The following FBXL18 variants were observed in gnomAD, a reference collection of about 807,000 sequenced individuals.
FBXL18 encodes F-box/LRR-repeat protein 18.
FBXL18 carries 36 observed loss-of-function variants against 46.0 expected under a neutral mutation model. The observed-to-expected ratio is 0.78, with a 90% CI of 0.60 to 1.03. FBXL18 has a LOEUF of 1.03. Ranked by LOEUF, FBXL18 falls within the 50% of genes least tolerant of loss-of-function variation. FBXL18 has a pLI of 0.00. For missense variants in FBXL18, 977 were observed against 1,004.1 expected, an observed-to-expected ratio of 0.97 and a Z score of 0.36; for synonymous variants, 557 against 465.3, an observed-to-expected ratio of 1.20 and a Z score of -2.54.
intron 3 of FBXL18, among the ~76,000 whole-genome samples, 171 bp from the exon 4 acceptor site, chr7:5,491,620 G>T (rs753234464): frequency 6.6e-6 from 1 of 152,198 alleles, no homozygotes; most frequent in Admixed American, 6.5e-5. Flanking sequence ...TGCCGACTCA[G>T]GCCCCCAGGG....
At chr7:5,475,003 T>C (rs1049063079), downstream of FBXL18, among the ~76,000 whole-genome samples, 16 of 141,580 alleles carry the variant, frequency 1.1e-4, no homozygotes, top group South Asian at 5.2e-4. The surrounding 1 kb of genome is among the most constrained non-coding windows in gnomAD (Gnocchi z 4.2). Context: ...CCACCGCGCC[T>C]GGCCAAATTA....
Position 5,501,222 on chromosome 7 carries a change from G to T in FBXL18, c.1047C>A (p.Asn349Lys). The T allele has an allele frequency of 1.9e-6, 3 of 1,613,494 alleles. No homozygotes were observed. Among genetic ancestry groups the T allele is most frequent in the Non-Finnish European group, 2.5e-6 (3 of 1,179,868 alleles). The stretch of plus-strand genomic sequence containing the variant: ...ACAGGCAGTGGACGCAGCCGCTGAG[G>T]TTCAAGCTGGCCAGGCTCCGCAGGT... The part of the protein sequence containing the change: ...GKDLRSLASL[N>K]LSGCVHCLSP... Residue 349 changes from asparagine to lysine, a missense_variant, in exon 3 of 5, where the codon AAC (asparagine) becomes AAA (lysine). Transcript: ENST00000382368.
intron 1 of FBXL18, among the ~76,000 whole-genome samples, chr7:5,507,795 C>T (rs1420799727): frequency 6.6e-6 from 1 of 152,048 alleles, no homozygotes; most frequent in African/African-American, 2.4e-5. Flanking sequence ...GATCACACCA[C>T]TGCACTCCAG....
At chr7:5,490,232 C>A in intron 4 of FBXL18, 1 of 1,321,310 alleles carries the variant, frequency 7.6e-7, no homozygotes, top group Non-Finnish European at 1.0e-6. Context: ...CACGAACACT[C>A]AGGGCGTTCA....
chr7:5,505,285 G>T, intron 2 of FBXL18, 127 bp downstream of exon 2: 1 of 837,336 alleles, frequency 1.2e-6, no homozygotes, highest in Non-Finnish European at 1.9e-6. Context: ...TGCAGACGGC[G>T]CCAGTCAGGA....
At chr7:5,474,192 G>C (rs1783471710), downstream of FBXL18, among the ~76,000 whole-genome samples, 1 of 152,134 alleles carries the variant, frequency 6.6e-6, no homozygotes. Context: ...GGGCTGGGGA[G>C]TGAATGTTTA....
chr7:5,491,257 C>G lies in FBXL18; in HGVS notation c.1974G>C (p.Lys658Asn). Reference protein sequence around the residue: ...LFTGESLATCKSLQQSLLRSF... With the variant: ...LFTGESLATCNSLQQSLLRSF... ...TGCGGAGAAGCGACTGCTGCAGGCTCTTGCAGGTGGCGAGGGACTCCCCGG... is the reference window on the plus strand; with the variant it reads ...TGCGGAGAAGCGACTGCTGCAGGCTGTTGCAGGTGGCGAGGGACTCCCCGG... Residue 658 changes from lysine to asparagine, a missense_variant, in exon 4 of 5, where the codon AAG (lysine) becomes AAC (asparagine). Transcript: ENST00000382368. 6.2e-7 allele frequency: 1 copy of G among 1,613,002 alleles called. No homozygotes were observed. Among genetic ancestry groups the G allele is most frequent in the East Asian group, 2.2e-5 (1 of 44,856 alleles).
At chr7:5,486,277 G>C (rs1017379941) in intron 4 of FBXL18, among the ~76,000 whole-genome samples, 8 of 123,706 alleles carry the variant, frequency 6.5e-5, no homozygotes, top group Admixed American at 1.6e-4. Flanking sequence ...AAATGAGCTG[G>C]TTGTGGTGGC....
At chr7:5,507,112 T>C (rs897510678) in intron 1 of FBXL18, among the ~76,000 whole-genome samples, 1 of 152,096 alleles carries the variant, frequency 6.6e-6, no homozygotes, top group Non-Finnish European at 1.5e-5. Flanking sequence ...CACTACATCA[T>C]CTTTCTGGGG....
chr7:5,483,187 C>A (rs1437036504), intron 4 of FBXL18, among the ~76,000 whole-genome samples: 1 of 152,104 alleles, frequency 6.6e-6, no homozygotes, highest in Non-Finnish European at 1.5e-5. Context: ...ACACCTATAA[C>A]CCCAGCACTT....
intron 1 of FBXL18, among the ~76,000 whole-genome samples, chr7:5,506,921 G>C (rs1407157703): frequency 1.3e-5 from 2 of 152,194 alleles, no homozygotes; most frequent in Non-Finnish European, 2.9e-5. Flanking sequence ...GTGGGCCTGA[G>C]TCAAAATGCC....
At position 5,491,390 on chromosome 7, in the gene FBXL18, G is replaced by C. The variant is rs1783922182; in HGVS notation, c.1841C>G (p.Pro614Arg). ...AQFFQALSQCPSLQRLCLVSR... is the reference protein window; with the variant it reads ...AQFFQALSQCRSLQRLCLVSR... ...GACCAGGCACAGGCGCTGCAGCGAG[G>C]GGCACTGGCTCAGCGCCTGGAAGAA... The change falls in exon 4 of 5, where the codon CCC becomes CGC. Residue 614 changes from proline to arginine, a missense_variant. By Grantham distance (103) the Pro-to-Arg change is moderately radical. Coordinates refer to ENST00000382368, the MANE Select transcript of FBXL18 (RefSeq NM_024963.6). The C allele has an allele frequency of 1.9e-6, 3 of 1,607,362 alleles. No individual in the cohort carries two copies. In the African/African-American group the frequency reaches 4.0e-5, roughly 21 times the overall value.
At position 5,455,147 on chromosome 7, in the gene FBXL18, G is replaced by A. The variant is rs992936631; in HGVS notation, c.2001-7304C>T. 2.0e-5 allele frequency among the ~76,000 whole-genome samples: 3 copies of A among 152,088 alleles called. No individual in the cohort carries two copies. Among genetic ancestry groups the A allele is most frequent in the African/African-American group, 4.8e-5 (2 of 41,426 alleles). ...TCCTCTTGCTCAGGGAGCAACCCTG[G>A]CACTACTGGGGAGGACTCTTGGGGA... is the stretch of plus-strand genomic sequence containing the variant. On this transcript the variant is annotated intron_variant and NMD_transcript_variant, in intron 4 of 6. Coordinates refer to the FBXL18 transcript ENST00000415009. This position sits in a 1 kb window ranked among gnomAD's most constrained non-coding sequence, Gnocchi z 4.6.
At chr7:5,493,421 G>A (rs1000458279) in intron 3 of FBXL18, among the ~76,000 whole-genome samples, 19 of 150,572 alleles carry the variant, frequency 1.3e-4, no homozygotes, top group African/African-American at 4.4e-4. Flanking sequence ...TCAGCCTCCC[G>A]AGTAGCTGGG....
intron 4 of FBXL18, among the ~76,000 whole-genome samples, chr7:5,466,917 G>T (rs926556688): frequency 3.3e-5 from 5 of 152,270 alleles, no homozygotes; most frequent in Non-Finnish European, 5.9e-5. Context: ...ATGCGCAACA[G>T]AATTTACATC....
At chr7:5,460,510 A>G (rs1362961579) in intron 4 of FBXL18, among the ~76,000 whole-genome samples, 1 of 152,090 alleles carries the variant, frequency 6.6e-6, no homozygotes, top group East Asian at 1.9e-4. Context: ...CTGGAGTGCA[A>G]TGGTGCGATC....
chr7:5,491,569 C>A, intron 3 of FBXL18, 120 bp from the exon 4 acceptor site: 2 of 792,386 alleles, frequency 2.5e-6, no homozygotes, highest in Non-Finnish European at 3.9e-6. Flanking sequence ...CAGCTGTTCC[C>A]GCCACCTCCC....
chr7:5,472,321 A>AG (rs201393872), downstream of FBXL18, among the ~76,000 whole-genome samples: 2,123 of 152,240 alleles, frequency 0.014, 62 homozygotes, highest in African/African-American at 0.048. Flanking sequence ...CATCCTGGCA[A>AG]GTGGGGGGTC....
At position 5,501,795 on chromosome 7, in the gene FBXL18, G is replaced by A. The variant is rs375195810; in HGVS notation, c.474C>T (p.Asp158=). 3 of 1,566,704 alleles carry A rather than the reference G, an allele frequency of 1.9e-6. No homozygotes were observed. In the African/African-American group the frequency reaches 4.0e-5, roughly 21 times the overall value. Residue 158 remains aspartate (D), a synonymous_variant, in exon 3 of 5, where the codon GAC becomes GAT. Transcript: ENST00000382368. ...TGCACTCGCTGCTCAGCTGGCTGGC[G>A]TCGAAGCCGGGGCTCACGTCGATGG... ...SLAIDVSPGF[D]ASQLSSECKA...
Sources: allele counts gnomAD v4.1 joint callset (sites outside exome capture counted in the v4.1 genomes callset), GRCh38; gene constraint gnomAD v4.1.1; non-coding constraint Gnocchi (gnomAD v3.1); transcripts MANE v1.5; gene names NCBI Gene and HGNC (gene_info 2026-07-23, HGNC 2026-07-21).